TBCE: variants seen among roughly 807,000 people sequenced by gnomAD.
TBCE encodes tubulin-specific chaperone E.
A neutral mutation model predicts 77.0 loss-of-function variants in TBCE; 53 were observed. The ratio of observed to expected loss-of-function variants is 0.69; its 90% CI spans 0.55 to 0.87. The LOEUF is 0.87. TBCE is among the 40% of genes least tolerant of loss of function. The pLI is 0.00. For synonymous variants in TBCE, 235 were observed against 241.3 expected (o/e 0.97, Z 0.24); for missense variants, 624 against 622.4 (o/e 1.00, Z -0.03).
chr1:235,448,210 A>AAGTC lies in TBCE; in HGVS notation c.1400-134_1400-131dup, dbSNP rs1174910294. 19 of 719,088 alleles carry AAGTC rather than the reference A, an allele frequency of 2.6e-5. No individual in the cohort carries two copies. The East Asian group carries it at 4.2e-4, about 16-fold the overall frequency. The allele number at this position is 719,088 out of a possible 1,614,324, so 44.5% of individuals were successfully genotyped here. A position where few individuals can be genotyped will look rare whatever the true frequency, so the allele number is the denominator to read the frequency against. ...GCAAGACTTACTTAAGTAAGTAAGT[A>AAGTC]AGTCAGTCTCAAAAAAAAAAAAAAA... is the stretch of plus-strand genomic sequence containing the variant. On this transcript the variant is annotated intron_variant, in intron 15 of 16. Transcript: ENST00000642610.
chr1:235,371,177 C>T (rs1228853471), intron 1 of TBCE, among the ~76,000 whole-genome samples: 1 of 149,398 alleles, frequency 6.7e-6, no homozygotes, highest in Non-Finnish European at 1.5e-5. Flanking sequence ...CCACCTCAGC[C>T]TCCTCAGTAG....
chr1:235,405,665 A>G (rs1213156545), intron 3 of TBCE, among the ~76,000 whole-genome samples: 1 of 151,976 alleles, frequency 6.6e-6, no homozygotes, highest in Non-Finnish European at 1.5e-5. Flanking sequence ...GAAGGAGTAC[A>G]CTCTAACATA....
At chr1:235,391,600 C>CTT (rs58265980) in intron 2 of TBCE, among the ~76,000 whole-genome samples, 1,191 of 85,388 alleles carry the variant, frequency 0.014, 9 homozygotes, top group Middle Eastern at 0.021. Flanking sequence ...GCTTCATTTC[C>CTT]TTTTTTTTTT....
intron 2 of TBCE, among the ~76,000 whole-genome samples, chr1:235,386,079 T>G (rs1368213305): frequency 6.6e-6 from 1 of 152,182 alleles, no homozygotes; most frequent in Non-Finnish European, 1.5e-5. Flanking sequence ...CTTATGAAGC[T>G]TAGTTTGGCT....
At position 235,442,860 on chromosome 1, in the gene TBCE, A is replaced by G. The variant is rs550575040; in HGVS notation, c.1348A>G (p.Ile450Val). ...MLKNQLLTLK[I>V]KYPHQLDQKV... ...CTTTGTTTCTCTTAAAGCACTGAAGATAAAATACCCTCATCAACTTGATCA... is the reference window on the plus strand; with the variant it reads ...CTTTGTTTCTCTTAAAGCACTGAAGGTAAAATACCCTCATCAACTTGATCA... The change falls in exon 15 of 17, where the codon ATA becomes GTA. Residue 450 changes from isoleucine (I) to valine (V), a missense_variant. Physicochemically the swap from Ile to Val is conservative, Grantham distance 29. Coordinates refer to ENST00000642610, the MANE Select transcript of TBCE (RefSeq NM_003193.5). 1 of 1,614,084 alleles carries G rather than the reference A, an allele frequency of 6.2e-7. No individual in the cohort carries two copies. Among genetic ancestry groups the G allele is most frequent in the East Asian group, 2.2e-5 (1 of 44,858 alleles).
In TBCE at chr1:235,427,385, G is replaced by A. The variant is rs896662915; in HGVS notation, c.560+146G>A. On this transcript the variant is annotated intron_variant, in intron 6 of 16. Coordinates refer to ENST00000642610, the MANE Select transcript of TBCE (RefSeq NM_003193.5). ...ACAGGAGTTAAGAAGGAATTACTCA[G>A]GCTGATAGTGAGGGTATGGAAGTCC... The A allele has an allele frequency of 4.0e-5, 28 of 702,360 alleles. No individual in the cohort carries two copies. The Admixed American group carries it at 4.3e-4, about 11-fold the overall frequency. 43.5% of individuals were successfully genotyped at this position (702,360 alleles called of 1,614,324 possible).
At chr1:235,420,458 G>C (rs1377146761) in intron 5 of TBCE, among the ~76,000 whole-genome samples, 1 of 149,634 alleles carries the variant, frequency 6.7e-6, no homozygotes, top group African/African-American at 2.5e-5. Context: ...GGGATTACAG[G>C]TGCCCGCCAC....
chr1:235,437,443 T>C lies in TBCE; in HGVS notation c.1085T>C (p.Ile362Thr), dbSNP rs993230003. 6.2e-6 allele frequency: 10 copies of C among 1,613,938 alleles called. No homozygotes were observed. The highest frequency in any genetic ancestry group is 1.3e-5 in the African/African-American group (1 of 74,884). Reference sequence around the variant, plus strand: ...GCGCGACTACTCATTATCGCCAGCATTGGCCAGCTGAAGACGCTGAACAAA... The same window carrying C: ...GCGCGACTACTCATTATCGCCAGCACTGGCCAGCTGAAGACGCTGAACAAA... ...ETARLLIIAS[I>T]GQLKTLNKCE... Residue 362 changes from isoleucine to threonine, a missense_variant, in exon 12 of 17, where the codon ATT becomes ACT. Coordinates refer to ENST00000642610, the MANE Select transcript of TBCE (RefSeq NM_003193.5).
At chr1:235,425,380 T>C (rs778683303) in intron 5 of TBCE, among the ~76,000 whole-genome samples, 71 of 152,106 alleles carry the variant, frequency 4.7e-4, no homozygotes, top group Non-Finnish European at 8.8e-4. Flanking sequence ...TTCTGCCCTC[T>C]CATGCTGCTG....
chr1:235,375,896 A>G (rs538437464), intron 1 of TBCE, among the ~76,000 whole-genome samples: 1 of 152,076 alleles, frequency 6.6e-6, no homozygotes, highest in Non-Finnish European at 1.5e-5. Context: ...AAAAAATACA[A>G]AATTAGCCGG....
intron 3 of TBCE, among the ~76,000 whole-genome samples, chr1:235,407,214 G>A (rs1355242409): frequency 6.7e-6 from 1 of 149,208 alleles, no homozygotes; most frequent in African/African-American, 2.5e-5. Flanking sequence ...GCTCGTTGCA[G>A]CCTCAACCTC....
chr1:235,413,662 CAAA>C (rs536953879), intron 3 of TBCE, among the ~76,000 whole-genome samples: 1 of 124,678 alleles, frequency 8.0e-6, no homozygotes. Flanking sequence ...GATTCTGTCT[CAAA>C]AAAAAAAAAG....
chr1:235,448,486 C>T (rs747424598), intron 16 of TBCE, 46 bp downstream of exon 16: 95 of 1,556,864 alleles, frequency 6.1e-5, no homozygotes, highest in Non-Finnish European at 7.5e-5. Context: ...GCTTAGTCCT[C>T]GTATTATGAC....
chr1:235,421,506 G>A (rs916745803), intron 5 of TBCE, among the ~76,000 whole-genome samples: 49 of 152,058 alleles, frequency 3.2e-4, no homozygotes, highest in African/African-American at 1.1e-3. Context: ...TCAGGAGTTT[G>A]AGACCAACCT....
chr1:235,370,988 C>T (rs975583621), intron 1 of TBCE, among the ~76,000 whole-genome samples: 1 of 147,172 alleles, frequency 6.8e-6, no homozygotes, highest in African/African-American at 2.5e-5. Flanking sequence ...GATCCGCCCG[C>T]CTCAGCTTCC....
At chr1:235,448,573 G>A in intron 16 of TBCE, 97 bp from the exon 17 acceptor site, 2 of 1,373,506 alleles carry the variant, frequency 1.5e-6, no homozygotes. Context: ...TTAAGGGTAA[G>A]CTACTGCCTG....
chr1:235,409,986 T>A (rs912815577), intron 3 of TBCE, among the ~76,000 whole-genome samples: 1 of 143,726 alleles, frequency 7.0e-6, no homozygotes, highest in Non-Finnish European at 1.5e-5. Context: ...ACCGAGATCG[T>A]GCCACTGCAC....
intron 12 of TBCE, 67 bp from the exon 13 acceptor site, chr1:235,438,702 C>T: frequency 6.2e-7 from 1 of 1,601,934 alleles, no homozygotes; most frequent in Non-Finnish European, 8.5e-7. Flanking sequence ...GGACAAGGTG[C>T]AAAACGCAAA....
chr1:235,423,511 C>G (rs1365482422), intron 5 of TBCE: 1 of 152,366 alleles, frequency 6.6e-6, no homozygotes, highest in African/African-American at 2.4e-5. Context: ...ACAGGGTGGC[C>G]AAAGTGTCAC....
Sources: allele counts gnomAD v4.1 joint callset (sites outside exome capture counted in the v4.1 genomes callset), GRCh38; gene constraint gnomAD v4.1.1; transcripts MANE v1.5; gene names NCBI Gene and HGNC (gene_info 2026-07-23, HGNC 2026-07-21).